NCAM2: variants seen among roughly 807,000 people sequenced by gnomAD.
NCAM2 encodes N-CAM-2.
In NCAM2, 30 loss-of-function variants were observed where a neutral mutation model predicts 98.1. That is an observed-to-expected ratio of 0.31 (90% CI 0.23 to 0.41). NCAM2 has a LOEUF of 0.41. Ranked by LOEUF, NCAM2 falls within the 10% of genes least tolerant of loss-of-function variation. NCAM2 has a pLI of 1.00. For synonymous variants in NCAM2, 368 were observed against 342.4 expected (o/e 1.07, Z -0.83); for missense variants, 867 against 1,005.8 (o/e 0.86, Z 1.87).
chr21:21,043,263 C>A (rs571268742), intron 1 of NCAM2, among the ~76,000 whole-genome samples: 23 of 152,060 alleles, frequency 1.5e-4, no homozygotes, highest in African/African-American at 5.5e-4. Flanking sequence ...AGAACCAGGG[C>A]TCTGGACTCA....
At chr21:21,109,675 A>G (rs1043882941) in intron 1 of NCAM2, among the ~76,000 whole-genome samples, 7 of 152,142 alleles carry the variant, frequency 4.6e-5, no homozygotes, top group East Asian at 1.9e-4. Context: ...ATATTTGTCA[A>G]TCATGCTTTC....
chr21:21,065,903 A>G (rs1231659272), intron 1 of NCAM2, among the ~76,000 whole-genome samples: 1 of 152,168 alleles, frequency 6.6e-6, no homozygotes, highest in African/African-American at 2.4e-5. Flanking sequence ...TCTTAGCTAG[A>G]TTAATGGTCC....
At chr21:21,321,955 A>G (rs1436479527) in intron 5 of NCAM2, among the ~76,000 whole-genome samples, 2 of 152,166 alleles carry the variant, frequency 1.3e-5, no homozygotes, top group African/African-American at 4.8e-5. Context: ...CAGCAAACCC[A>G]TTACTGGGTA....
intron 1 of NCAM2, among the ~76,000 whole-genome samples, chr21:21,005,073 G>A (rs2064086994): frequency 6.6e-6 from 1 of 152,204 alleles, no homozygotes; most frequent in East Asian, 1.9e-4. Flanking sequence ...AGTTTGGAAA[G>A]GTGAGCCTCT....
chr21:21,101,533 T>C (rs2066240563), intron 1 of NCAM2, among the ~76,000 whole-genome samples: 1 of 152,078 alleles, frequency 6.6e-6, no homozygotes, highest in Non-Finnish European at 1.5e-5. Flanking sequence ...CTTCACTACA[T>C]ACTAGCTGTA....
intron 14 of NCAM2, among the ~76,000 whole-genome samples, chr21:21,472,914 G>A (rs187522793): frequency 2.7e-5 from 4 of 150,626 alleles, no homozygotes; most frequent in East Asian, 2.0e-4. Flanking sequence ...TTTAGAACTC[G>A]GCTAAAATCT....
intron 1 of NCAM2, among the ~76,000 whole-genome samples, chr21:21,248,461 C>G (rs1325534232): frequency 6.6e-6 from 1 of 152,030 alleles, no homozygotes; most frequent in Non-Finnish European, 1.5e-5. Flanking sequence ...AAAATTGTCA[C>G]ATCTTAGTCT....
At chr21:21,324,690 C>T (rs547894607) in intron 6 of NCAM2, among the ~76,000 whole-genome samples, 190 bp downstream of exon 6, 149 of 152,134 alleles carry the variant, frequency 9.8e-4, no homozygotes, top group African/African-American at 3.5e-3. Context: ...AGTGTGACCC[C>T]GCTCTAATAT....
intron 15 of NCAM2, among the ~76,000 whole-genome samples, chr21:21,502,416 A>AT (rs1423284363): frequency 6.6e-6 from 1 of 151,976 alleles, no homozygotes; most frequent in African/African-American, 2.4e-5. Flanking sequence ...CCACAAAAGT[A>AT]TTGTTGAATT....
intron 11 of NCAM2, 115 bp from the exon 12 acceptor site, chr21:21,431,993 T>C (rs1474892125): frequency 3.7e-6 from 3 of 813,768 alleles, no homozygotes; most frequent in Middle Eastern, 5.9e-4. Flanking sequence ...TCGAACATAT[T>C]AAGTGATACA....
At chr21:21,522,559 A>G (rs1379749346) in intron 16 of NCAM2, among the ~76,000 whole-genome samples, 1 of 151,298 alleles carries the variant, frequency 6.6e-6, no homozygotes, top group Non-Finnish European at 1.5e-5. Context: ...AAACAAAAAT[A>G]GAGGGTATTT....
intron 9 of NCAM2, among the ~76,000 whole-genome samples, chr21:21,378,422 T>C (rs557955961): frequency 3.9e-5 from 6 of 152,104 alleles, no homozygotes; most frequent in Non-Finnish European, 8.8e-5. Context: ...CCCTAATGAT[T>C]AGTGATGCTG....
chr21:21,076,719 A>G (rs934162655), intron 1 of NCAM2, among the ~76,000 whole-genome samples: 3 of 152,172 alleles, frequency 2.0e-5, no homozygotes, highest in African/African-American at 7.2e-5. Context: ...ATAAAACTGT[A>G]CAGTGTTGTA....
chr21:21,513,809 A>C (rs1988540294), intron 16 of NCAM2, among the ~76,000 whole-genome samples: 1 of 152,150 alleles, frequency 6.6e-6, no homozygotes, highest in Admixed American at 6.6e-5. Context: ...GTTCACAGCT[A>C]CGATTTTATT....
At chr21:21,510,937 C>T (rs1346510005) in intron 16 of NCAM2, among the ~76,000 whole-genome samples, 2 of 151,934 alleles carry the variant, frequency 1.3e-5, no homozygotes, top group African/African-American at 4.8e-5. Context: ...CAATCTCGTG[C>T]TAAGCAATAT....
At chr21:21,481,013 G>T (rs1985832260) in intron 15 of NCAM2, among the ~76,000 whole-genome samples, 1 of 152,188 alleles carries the variant, frequency 6.6e-6, no homozygotes, top group Non-Finnish European at 1.5e-5. Flanking sequence ...ATGGAAATGA[G>T]AAGATAACCA....
At chr21:21,109,426 G>A (rs2066411642) in intron 1 of NCAM2, among the ~76,000 whole-genome samples, 2 of 151,954 alleles carry the variant, frequency 1.3e-5, no homozygotes, top group African/African-American at 4.8e-5. Context: ...CACATACTAT[G>A]TACCCACCAA....
At chr21:21,453,687 G>T (rs906228236) in intron 12 of NCAM2, among the ~76,000 whole-genome samples, 7 of 152,010 alleles carry the variant, frequency 4.6e-5, no homozygotes, top group East Asian at 1.9e-4. Flanking sequence ...CATATGTTTA[G>T]TAAAGATGAA....
chr21:21,147,413 A>T (rs13051667), intron 1 of NCAM2, among the ~76,000 whole-genome samples: 83,524 of 151,594 alleles, frequency 0.55, 23,956 homozygotes, highest in South Asian at 0.66. Flanking sequence ...GATTTCATTT[A>T]ATTTTTTATT....
Sources: allele counts gnomAD v4.1 joint callset (sites outside exome capture counted in the v4.1 genomes callset), GRCh38; gene constraint gnomAD v4.1.1; transcripts MANE v1.5; gene names NCBI Gene and HGNC (gene_info 2026-07-23, HGNC 2026-07-21).